ZNF157: variants seen among roughly 807,000 people sequenced by gnomAD.
The protein encoded by ZNF157 is zinc finger protein 22.
In ZNF157, 8 loss-of-function variants were observed where a neutral mutation model predicts 9.4. The observed-to-expected ratio is 0.85, with a 90% CI of 0.50 to 1.53. The LOEUF (loss-of-function observed/expected upper bound fraction) is 1.53. ZNF157 is among the 40% of genes most tolerant of loss of function. ZNF157 has a pLI of 0.00. For synonymous variants in ZNF157, 120 were observed against 130.8 expected (o/e 0.92, Z 0.56); for missense variants, 316 against 385.2 (o/e 0.82, Z 1.50).
intron 1 of ZNF157, among the ~76,000 whole-genome samples, chrX:47,374,002 T>G (rs764119708): frequency 7.5e-4 from 83 of 110,739 alleles, no homozygotes; most frequent in African/African-American, 2.7e-3. Context: ...AGCCTTTCCT[T>G]GAGTTCTATG....
At chrX:47,370,775 C>A (rs2055826411) in intron 1 of ZNF157, 35 bp downstream of exon 1, 2 of 1,057,014 alleles carry the variant, frequency 1.9e-6, no homozygotes, top group East Asian at 3.3e-5. Flanking sequence ...TCTATATGTT[C>A]TTTATTTTTT....
chrX:47,391,560 C>T (rs1485477422), intron 1 of ZNF157, among the ~76,000 whole-genome samples: 2 of 111,817 alleles, frequency 1.8e-5, no homozygotes, highest in Non-Finnish European at 3.8e-5. Flanking sequence ...CTCTCCTCTT[C>T]TGGAAAAAGA....
intron 1 of ZNF157, among the ~76,000 whole-genome samples, chrX:47,397,653 G>T (rs1294774986): frequency 9.0e-6 from 1 of 111,581 alleles, no homozygotes; most frequent in Non-Finnish European, 1.9e-5. Context: ...GACCTCAAAT[G>T]ATCTGCCCGC....
intron 1 of ZNF157, among the ~76,000 whole-genome samples, chrX:47,404,859 C>T (rs747355082): frequency 1.8e-5 from 2 of 110,463 alleles, no homozygotes; most frequent in South Asian, 7.8e-4. Context: ...TCTGTTCTCA[C>T]ACTCCTATAA....
chrX:47,393,586 G>C (rs1157612594), intron 1 of ZNF157, among the ~76,000 whole-genome samples: 1 of 110,116 alleles, frequency 9.1e-6, no homozygotes, highest in Non-Finnish European at 1.9e-5. Flanking sequence ...TTTGAGACAA[G>C]GTCTCACTCT....
intron 1 of ZNF157, among the ~76,000 whole-genome samples, chrX:47,396,400 G>A (rs189732980): frequency 1.6e-4 from 18 of 110,558 alleles, no homozygotes; most frequent in African/African-American, 5.2e-4. Flanking sequence ...TTAGCTGCAC[G>A]TGGTGGTGCA....
intron 3 of ZNF157, among the ~76,000 whole-genome samples, chrX:47,411,781 G>C (rs1347064650): frequency 9.0e-6 from 1 of 111,384 alleles, no homozygotes; most frequent in Non-Finnish European, 1.9e-5. Context: ...TATATGCTGT[G>C]TATGTTCTAG....
chrX:47,389,421 C>T (rs1263967569), intron 1 of ZNF157, among the ~76,000 whole-genome samples: 1 of 108,098 alleles, frequency 9.3e-6, no homozygotes, highest in Non-Finnish European at 1.9e-5. Flanking sequence ...CTGATCACAG[C>T]TCACTGCAGC....
chrX:47,389,626 C>T (rs781347276), intron 1 of ZNF157, among the ~76,000 whole-genome samples: 20 of 112,202 alleles, frequency 1.8e-4, no homozygotes, highest in African/African-American at 6.4e-4. Flanking sequence ...GAAGGGCGGG[C>T]ACAGTGGCTC....
intron 1 of ZNF157, among the ~76,000 whole-genome samples, chrX:47,396,357 T>A (rs960132827): frequency 3.6e-5 from 4 of 110,798 alleles, no homozygotes; most frequent in African/African-American, 1.3e-4. Context: ...CTGACCAACA[T>A]GGTGAAACCT....
chrX:47,414,323 T>C lies in ZNF157; in HGVS notation c.*729T>C, dbSNP rs2055976549. On this transcript the variant is annotated 3_prime_UTR_variant, in exon 4 of 4. Coordinates refer to ENST00000377073, the MANE Select transcript of ZNF157 (RefSeq NM_003446.4). The stretch of plus-strand genomic sequence containing the variant: ...CACCGTGCCCGGCTAAAGTTTTATA[T>C]TTTAATATTATCAGTTTCAAGGTGA... The C allele has an allele frequency of 8.9e-6, 1 of 112,011 alleles. No individual in the cohort carries two copies. Among genetic ancestry groups the C allele is most frequent in the Non-Finnish European group, 1.9e-5 (1 of 53,276 alleles). 9.2% of individuals were successfully genotyped at this position (112,011 alleles called of 1,213,427 possible).
Position 47,412,651 on chromosome X carries a change from G to A in ZNF157, c.578G>A (p.Gly193Asp). The change falls in exon 4 of 4, where the codon GGT (glycine) becomes GAT (aspartate). Residue 193 changes from glycine to aspartate, a missense_variant. This residue lies in a region of ZNF157 where 146 missense variants were observed against 183.8 expected (regional missense o/e 0.79). Coordinates refer to ENST00000377073, the MANE Select transcript of ZNF157 (RefSeq NM_003446.4). ...ACAGGAGAGAGACCCTATGAATGCG[G>A]TGAATGTGCAAAAACCTTCAGTGCA... Reference protein sequence around the residue: ...IHTGERPYECGECAKTFSARS... With the variant: ...IHTGERPYECDECAKTFSARS... 8.3e-7 allele frequency: 1 copy of A among 1,211,033 alleles called. No homozygotes were observed. The highest frequency in any genetic ancestry group is 1.1e-6 in the Non-Finnish European group (1 of 895,215).
intron 1 of ZNF157, among the ~76,000 whole-genome samples, chrX:47,384,250 AT>A: frequency 8.9e-6 from 1 of 111,860 alleles, no homozygotes. Context: ...AAATAAATAA[AT>A]AAGTTTTTTT....
chrX:47,385,936 C>G (rs1174449162), intron 1 of ZNF157, among the ~76,000 whole-genome samples: 3 of 110,519 alleles, frequency 2.7e-5, no homozygotes, highest in Non-Finnish European at 5.7e-5. Flanking sequence ...AAGGTAGTAA[C>G]TTAGCCAGAG....
intron 3 of ZNF157, among the ~76,000 whole-genome samples, chrX:47,411,531 T>C (rs1392601046): frequency 1.8e-5 from 2 of 108,654 alleles, no homozygotes; most frequent in Non-Finnish European, 3.8e-5. Flanking sequence ...ATTTTTGTAT[T>C]ATTATTATTT....
chrX:47,404,655 A>G (rs1418921828), intron 1 of ZNF157, among the ~76,000 whole-genome samples: 1 of 111,521 alleles, frequency 9.0e-6, no homozygotes, highest in East Asian at 2.8e-4. Context: ...TAAATGAGTG[A>G]CTGAATATGA....
chrX:47,384,089 G>A (rs924946864), intron 1 of ZNF157, among the ~76,000 whole-genome samples: 1 of 107,177 alleles, frequency 9.3e-6, no homozygotes, highest in Non-Finnish European at 1.9e-5. Context: ...GGCTAACATG[G>A]TGAAACCCTG....
chrX:47,381,159 G>A (rs959460420), intron 1 of ZNF157, among the ~76,000 whole-genome samples: 9 of 103,437 alleles, frequency 8.7e-5, no homozygotes, highest in Non-Finnish European at 1.6e-4. Context: ...AGGAGAAAGA[G>A]AAGGAGGAAG....
intron 1 of ZNF157, among the ~76,000 whole-genome samples, chrX:47,374,383 A>C (rs1160707035): frequency 1.9e-5 from 2 of 104,861 alleles, no homozygotes; most frequent in Non-Finnish European, 3.9e-5. Flanking sequence ...TATAGAACAG[A>C]ATTAATAGAC....
Sources: gnomAD v4.1 joint callset for allele counts (sites outside exome capture counted in the v4.1 genomes callset) on GRCh38, gnomAD v4.1.1 for gene constraint, gnomAD v4.1.1 regional missense constraint, MANE v1.5 for transcripts, NCBI Gene and HGNC (gene_info 2026-07-23, HGNC 2026-07-21) for gene names.